Variants in MAF observed in about 807,000 individuals in gnomAD.
MAF encodes the protein MAF bZIP transcription factor, also known as transcription factor Maf.
Under a neutral mutation model 22.0 loss-of-function variants are expected in MAF, and 10 were observed. The ratio of observed to expected loss-of-function variants is 0.45; its 90% CI spans 0.28 to 0.77. The LOEUF (loss-of-function observed/expected upper bound fraction) is 0.77, where lower values mean the gene tolerates loss of function less well. MAF is among the 30% of genes least tolerant of loss of function. MAF has a pLI of 0.12. For missense variants in MAF, 544 were observed against 548.4 expected (o/e 0.99, Z 0.08); for synonymous variants, 337 against 255.8 (o/e 1.32, Z -3.03).
the MAF span, among the ~76,000 whole-genome samples, chr16:79,297,320 G>A: frequency 2.6e-5 from 4 of 152,166 alleles, no homozygotes; most frequent in Non-Finnish European, 1.5e-5. Context: ...ATAGCAAAAC[G>A]GCGGCAAATG....
At chr16:79,211,645 T>C in the MAF span, 1 of 1,614,180 alleles carries the variant, frequency 6.2e-7, no homozygotes, top group Middle Eastern at 1.6e-4. Context: ...TGTGCTGCTG[T>C]CCCAGAACTG....
chr16:79,367,158 T>C, the MAF span, among the ~76,000 whole-genome samples: 1 of 152,150 alleles, frequency 6.6e-6, no homozygotes, highest in South Asian at 2.1e-4. Flanking sequence ...GTACTTTGAA[T>C]CAAGTTTTTC....
At chr16:79,527,347 G>T in the MAF span, among the ~76,000 whole-genome samples, 9 of 152,262 alleles carry the variant, frequency 5.9e-5, no homozygotes, top group South Asian at 1.7e-3. Context: ...ACCTCAAAAA[G>T]AAAGCAATCA....
chr16:79,586,110 C>G (rs1054405333), intron 1 of MAF, among the ~76,000 whole-genome samples: 5 of 152,286 alleles, frequency 3.3e-5, no homozygotes, highest in Middle Eastern at 6.8e-3. Flanking sequence ...TCAACCCTGT[C>G]AAGCCAGAGG....
At chr16:79,384,064 G>A in the MAF span, among the ~76,000 whole-genome samples, 1 of 152,180 alleles carries the variant, frequency 6.6e-6, no homozygotes, top group South Asian at 2.1e-4. Flanking sequence ...AAGGCTGAGG[G>A]GGCTCCTCCT....
the MAF span, among the ~76,000 whole-genome samples, chr16:79,420,546 C>G: frequency 6.6e-6 from 1 of 152,104 alleles, no homozygotes; most frequent in Non-Finnish European, 1.5e-5. Flanking sequence ...TGCCCCCCTC[C>G]CCCTACGGCC....
the MAF span, among the ~76,000 whole-genome samples, chr16:79,330,847 C>A: frequency 1.3e-5 from 2 of 152,176 alleles, no homozygotes; most frequent in Non-Finnish European, 2.9e-5. Flanking sequence ...AGTGCCTAGG[C>A]AGTTGGTTAA....
At chr16:79,379,487 G>A in the MAF span, among the ~76,000 whole-genome samples, 2 of 140,034 alleles carry the variant, frequency 1.4e-5, no homozygotes, top group Non-Finnish European at 3.0e-5. Context: ...TACGGCTCTT[G>A]ATCTGGTGGA....
At chr16:79,497,141 A>T in the MAF span, among the ~76,000 whole-genome samples, 1 of 152,252 alleles carries the variant, frequency 6.6e-6, no homozygotes, top group Non-Finnish European at 1.5e-5. Context: ...AAATGGTGGC[A>T]CATAAATTCT....
chr16:79,306,846 C>G, the MAF span, among the ~76,000 whole-genome samples: 1 of 152,222 alleles, frequency 6.6e-6, no homozygotes, highest in Admixed American at 6.5e-5. Context: ...TGTGCCTTAA[C>G]TTCCTACCCT....
chr16:79,290,715 G>A, the MAF span, among the ~76,000 whole-genome samples: 2 of 152,122 alleles, frequency 1.3e-5, no homozygotes, highest in Admixed American at 6.5e-5. Flanking sequence ...CCGTGCAACA[G>A]CTTCCAATGA....
At chr16:79,321,294 G>A in the MAF span, among the ~76,000 whole-genome samples, 1 of 152,210 alleles carries the variant, frequency 6.6e-6, no homozygotes, top group African/African-American at 2.4e-5. Flanking sequence ...CAAGGTAGGG[G>A]AATGGAATCC....
the MAF span, among the ~76,000 whole-genome samples, chr16:79,402,901 A>G: frequency 6.6e-6 from 1 of 152,108 alleles, no homozygotes; most frequent in Non-Finnish European, 1.5e-5. Flanking sequence ...GAGCCCAGAG[A>G]TCATGAATGG....
chr16:79,308,300 C>G, the MAF span, among the ~76,000 whole-genome samples: 3 of 152,204 alleles, frequency 2.0e-5, no homozygotes, highest in Non-Finnish European at 4.4e-5. Flanking sequence ...AGTGAGGAAC[C>G]AGACTTTTAA....
At chr16:79,399,020 T>G in the MAF span, among the ~76,000 whole-genome samples, 1 of 152,208 alleles carries the variant, frequency 6.6e-6, no homozygotes, top group Non-Finnish European at 1.5e-5. Flanking sequence ...GCCTCTCAAG[T>G]GCCCAGTTCT....
the MAF span, among the ~76,000 whole-genome samples, chr16:79,538,918 C>T: frequency 6.7e-6 from 1 of 149,542 alleles, no homozygotes; most frequent in African/African-American, 2.5e-5. Context: ...AAAAAGAAAT[C>T]ACCCAGGAAA....
chr16:79,417,942 A>G, the MAF span, among the ~76,000 whole-genome samples: 2 of 152,042 alleles, frequency 1.3e-5, no homozygotes, highest in African/African-American at 2.4e-5. Context: ...CCTCTGCTTC[A>G]CCCCGGAGAG....
the MAF span, among the ~76,000 whole-genome samples, chr16:79,490,546 C>A: frequency 5.4e-3 from 821 of 152,220 alleles, 4 homozygotes; most frequent in Middle Eastern, 0.024. Flanking sequence ...TCTATATGCA[C>A]TGACATAAAC....
chr16:79,211,719 A>C, the MAF span: 1 of 1,614,228 alleles, frequency 6.2e-7, no homozygotes, highest in East Asian at 2.2e-5. Context: ...AGAAGCTCAG[A>C]GCGAAGAGAC....
Sources: allele counts gnomAD v4.1 joint callset (sites outside exome capture counted in the v4.1 genomes callset), GRCh38; gene constraint gnomAD v4.1.1; transcripts MANE v1.5; gene names NCBI Gene and HGNC (gene_info 2026-07-23, HGNC 2026-07-21).